PCDHA12: variants seen among roughly 807,000 people sequenced by gnomAD.
PCDHA12 encodes protocadherin alpha-12.
Under a neutral mutation model 60.0 loss-of-function variants are expected in PCDHA12, and 44 were observed. That is an observed-to-expected ratio of 0.73 (90% CI 0.58 to 0.94). PCDHA12 has a LOEUF of 0.94. PCDHA12 is among the 40% of genes least tolerant of loss of function. The pLI is 0.00. For synonymous variants in PCDHA12, 569 were observed against 553.0 expected, an observed-to-expected ratio of 1.03 and a Z score of -0.40; for missense variants, 1,276 against 1,239.7, an observed-to-expected ratio of 1.03 and a Z score of -0.44.
Position 140,979,012 on chromosome 5 carries a change from G to A in PCDHA12, c.2426+5G>A, listed in dbSNP as rs2096831231. The A allele has an allele frequency of 1.9e-6, 3 of 1,613,794 alleles. No individual in the cohort carries two copies. Among genetic ancestry groups the A allele is most frequent in the African/African-American group, 2.7e-5 (2 of 74,926 alleles). ...CCTGAGAGCAGGCATGCACAGGTAT[G>A]TATTTCCCTCCTCATTCACTCAGAA... On this transcript the variant is annotated splice_donor_5th_base_variant and intron_variant, in intron 2 of 3. Coordinates refer to ENST00000398631, the MANE Select transcript of PCDHA12 (RefSeq NM_018903.4).
chr5:141,006,379 G>GT (rs2098271047), intron 3 of PCDHA12, among the ~76,000 whole-genome samples: 1 of 151,748 alleles, frequency 6.6e-6, no homozygotes, highest in South Asian at 2.1e-4. Flanking sequence ...GCCCGGCTAA[G>GT]TTTTTTCTAT....
intron 1 of PCDHA12, among the ~76,000 whole-genome samples, chr5:140,973,564 A>T (rs2096593487): frequency 6.6e-6 from 1 of 152,168 alleles, no homozygotes; most frequent in Admixed American, 6.5e-5. Context: ...CTCTTTCCTC[A>T]ATTTTTCTAC....
intron 1 of PCDHA12, among the ~76,000 whole-genome samples, chr5:140,952,656 T>A (rs1554220534): frequency 6.6e-6 from 1 of 152,188 alleles, no homozygotes; most frequent in Admixed American, 6.5e-5. Flanking sequence ...GTTACCCAGT[T>A]CCAAAGTCAC....
intron 1 of PCDHA12, among the ~76,000 whole-genome samples, chr5:140,897,646 C>T (rs1336141431): frequency 1.3e-5 from 2 of 152,128 alleles, no homozygotes; most frequent in African/African-American, 4.8e-5. Flanking sequence ...CCACAATAAA[C>T]ATACGTGTGC....
At chr5:140,969,279 A>G (rs782221973) in intron 1 of PCDHA12, 3 of 1,614,244 alleles carry the variant, frequency 1.9e-6, no homozygotes, top group East Asian at 2.2e-5. Flanking sequence ...CAAAGTGGTC[A>G]GAATGCTGGG....
intron 1 of PCDHA12, among the ~76,000 whole-genome samples, chr5:140,975,683 G>T (rs1226769029): frequency 6.6e-6 from 1 of 151,934 alleles, no homozygotes; most frequent in Non-Finnish European, 1.5e-5. Context: ...AATAAAATAG[G>T]GTATTTTAAA....
chr5:140,891,096 T>A (rs926770209), intron 1 of PCDHA12, among the ~76,000 whole-genome samples: 1 of 152,210 alleles, frequency 6.6e-6, no homozygotes, highest in African/African-American at 2.4e-5. Context: ...ATTGTTGCTG[T>A]CAAGAATTTA....
At chr5:140,883,041 G>A (rs2059417348) in intron 1 of PCDHA12, 1 of 1,613,960 alleles carries the variant, frequency 6.2e-7, no homozygotes, top group African/African-American at 1.3e-5. Context: ...GCCTTCAATG[G>A]AACATTAGTG....
chr5:140,980,036 G>A (rs952735379), intron 2 of PCDHA12, among the ~76,000 whole-genome samples: 9 of 152,294 alleles, frequency 5.9e-5, no homozygotes, highest in Non-Finnish European at 1.0e-4. Flanking sequence ...ATTACATTGG[G>A]TGCTATTTCT....
chr5:140,971,040 A>G (rs1554232989), intron 1 of PCDHA12, among the ~76,000 whole-genome samples: 2 of 152,194 alleles, frequency 1.3e-5, no homozygotes, highest in Non-Finnish European at 2.9e-5. Flanking sequence ...AAGCACGTAA[A>G]AGGGTTTAGC....
At chr5:140,968,349 G>A (rs1554230631) in intron 1 of PCDHA12, 2 of 1,614,128 alleles carry the variant, frequency 1.2e-6, no homozygotes, top group Admixed American at 3.3e-5. Context: ...AACAGTGCCA[G>A]TGGCAGCCTT....
chr5:140,993,530 AG>A (rs2097570679), intron 3 of PCDHA12, among the ~76,000 whole-genome samples: 7 of 152,044 alleles, frequency 4.6e-5, no homozygotes, highest in African/African-American at 1.7e-4. Context: ...AGACAGAGAG[AG>A]AGAGAGATAG....
intron 1 of PCDHA12, among the ~76,000 whole-genome samples, chr5:140,934,198 A>G (rs918942390): frequency 3.7e-4 from 57 of 152,134 alleles, no homozygotes; most frequent in African/African-American, 1.3e-3. Context: ...TTTCATTTCT[A>G]TTTCCTCACA....
intron 3 of PCDHA12, among the ~76,000 whole-genome samples, chr5:140,984,162 C>A (rs2097089666): frequency 6.6e-6 from 1 of 152,150 alleles, no homozygotes; most frequent in Non-Finnish European, 1.5e-5. Context: ...GAGAACTTCC[C>A]AAAGAAGCCA....
rs187034758 is a variant in PCDHA12 at position 140,897,376 on chromosome 5, C to G, written c.2367+19537C>G. 8.0e-3 allele frequency among the ~76,000 whole-genome samples: 1,079 copies of G among 134,538 alleles called. 8 individuals are homozygous for G. Among genetic ancestry groups the G allele is most frequent in the Non-Finnish European group, 0.013 (863 of 65,384 alleles). 88.3% of individuals were successfully genotyped at this position (134,538 alleles called of 152,430 possible). A position where few individuals can be genotyped will look rare whatever the true frequency, so the allele number is the denominator to read the frequency against. ...TGTCCCCAGAGTGTGATGTTCCCTT[C>G]CCCTTCCTGTGTCCATGTGTTCTCA... On this transcript the variant is annotated intron_variant, in intron 1 of 3. Coordinates refer to ENST00000398631, the MANE Select transcript of PCDHA12 (RefSeq NM_018903.4).
intron 1 of PCDHA12, among the ~76,000 whole-genome samples, chr5:140,951,209 A>C (rs1302279809): frequency 6.6e-6 from 1 of 151,904 alleles, no homozygotes; most frequent in Non-Finnish European, 1.5e-5. Context: ...GTGTCATCTC[A>C]GGTTTGGATT....
intron 3 of PCDHA12, among the ~76,000 whole-genome samples, chr5:140,992,344 T>G (rs2097506257): frequency 6.6e-6 from 1 of 152,124 alleles, no homozygotes; most frequent in Non-Finnish European, 1.5e-5. Context: ...GATGGAAATG[T>G]GGAGAGAGGA....
intron 1 of PCDHA12, among the ~76,000 whole-genome samples, chr5:140,909,018 A>AT: frequency 6.6e-6 from 1 of 152,230 alleles, no homozygotes; most frequent in East Asian, 1.9e-4. Context: ...AGGTTCCTGA[A>AT]TTTTAGTCAT....
chr5:140,882,882 T>C (rs1554175954), intron 1 of PCDHA12: 2 of 1,614,206 alleles, frequency 1.2e-6, no homozygotes, highest in Non-Finnish European at 1.7e-6. Context: ...AGAGAGGAAA[T>C]TCAGGAACAT....
Sources: allele counts gnomAD v4.1 joint callset (sites outside exome capture counted in the v4.1 genomes callset), GRCh38; gene constraint gnomAD v4.1.1; transcripts MANE v1.5; gene names NCBI Gene and HGNC (gene_info 2026-07-23, HGNC 2026-07-21).